The following FBXL16 variants were observed in gnomAD, a reference collection of about 807,000 sequenced individuals.
The protein encoded by FBXL16 is F-box/LRR-repeat protein 16.
FBXL16 carries 7 observed loss-of-function variants against 36.7 expected under a neutral mutation model. That is an observed-to-expected ratio of 0.19 (90% CI 0.11 to 0.36). The LOEUF (loss-of-function observed/expected upper bound fraction) is 0.36. FBXL16 is among the 10% of genes least tolerant of loss of function. The pLI is 1.00. For synonymous variants in FBXL16, 355 were observed against 308.7 expected (o/e 1.15, Z -1.57); for missense variants, 463 against 659.4 (o/e 0.70, Z 3.26).
Position 697,999 on chromosome 16 carries a change from CAAAA to C in FBXL16, c.-14-584_-14-581del, listed in dbSNP as rs75619896. Among the ~76,000 whole-genome samples the C allele has an allele frequency of 7.5e-6, 1 of 133,354 alleles. No homozygotes were observed. Among genetic ancestry groups the C allele is most frequent in the Admixed American group, 7.6e-5 (1 of 13,208 alleles). 87.5% of individuals were successfully genotyped at this position (133,354 alleles called of 152,430 possible). A position where few individuals can be genotyped will look rare whatever the true frequency, so the allele number is the denominator to read the frequency against. On this transcript the variant is annotated intron_variant, in intron 1 of 5. Transcript: ENST00000397621. The surrounding 1 kb of genome is among the most constrained non-coding windows in gnomAD (Gnocchi z 4.6). ...TGGGCAACTGAGCAAGACTCTGTCT[CAAAA>C]AAAAAAAAAAGAAACAGTTTCACTC...
At chr16:696,280 G>A (rs1256452598) in intron 2 of FBXL16, among the ~76,000 whole-genome samples, 1 of 151,570 alleles carries the variant, frequency 6.6e-6, no homozygotes, top group African/African-American at 2.4e-5. Flanking sequence ...TTGAGACAGA[G>A]CCTTACTCTG....
Position 694,415 on chromosome 16 carries a change from G to A in FBXL16, c.1300C>T (p.Leu434=). The change falls in exon 6 of 6, where the codon CTG becomes TTG. Residue 434 remains leucine, a synonymous_variant. Coordinates refer to ENST00000397621, the MANE Select transcript of FBXL16 (RefSeq NM_153350.4). The part of the protein sequence containing the change: ...LRLLSLAGCP[L]LTTTGLSGLV... Reference sequence around the variant, plus strand: ...CCCGACAGCCCGGTGGTGGTGAGCAGCGGGCAGCCTGCGGCGGGGTCAGAG... The same window carrying A: ...CCCGACAGCCCGGTGGTGGTGAGCAACGGGCAGCCTGCGGCGGGGTCAGAG... 4 of 1,550,536 alleles carry A rather than the reference G, an allele frequency of 2.6e-6. No homozygotes were observed. Among genetic ancestry groups the A allele is most frequent in the Non-Finnish European group, 3.5e-6 (4 of 1,156,934 alleles).
At chr16:695,976 C>T in intron 2 of FBXL16, 53 bp from the exon 3 acceptor site, 1 of 1,531,882 alleles carries the variant, frequency 6.5e-7, no homozygotes. Context: ...GTGGAGCCCG[C>T]AGGGAGGAAG....
In FBXL16 at chr16:695,790, G is replaced by A; in HGVS notation, c.767C>T (p.Ala256Val). 1.2e-6 allele frequency: 2 copies of A among 1,606,590 alleles called. No homozygotes were observed. Among genetic ancestry groups the A allele is most frequent in the Non-Finnish European group, 1.7e-6 (2 of 1,178,318 alleles). ...CGAGATGGCCGCGATGGCGTCGTCG[G>A]CCACGTTGATGCAGTCACTCACGCT... The part of the protein sequence containing the change: ...SLSVSDCINV[A>V]DDAIAAISQL... Residue 256 changes from alanine (A) to valine (V), a missense_variant, in exon 3 of 6, where the codon GCC becomes GTC. Ala to Val is a moderately conservative substitution (Grantham distance 64, BLOSUM62 0). Around this residue, in one of 3 missense-constraint regions of FBXL16, gnomAD observed 66 missense variants for 146.3 expected, o/e 0.45. Coordinates refer to ENST00000397621, the MANE Select transcript of FBXL16 (RefSeq NM_153350.4).
intron 2 of FBXL16, 125 bp from the exon 3 acceptor site, chr16:696,048 C>T (rs1274381899): frequency 5.1e-6 from 7 of 1,361,312 alleles, no homozygotes; most frequent in Admixed American, 5.8e-5. Flanking sequence ...TGTGAGGAGG[C>T]GGGGCATCGG....
In FBXL16 at chr16:695,814, C is replaced by G; in HGVS notation, c.743G>C (p.Ser248Thr). Reference sequence around the variant, plus strand: ...GGCCACGTTGATGCAGTCACTCACGCTCAGCGAGGTGATGCGCGCGCTCAG... The same window carrying G: ...GGCCACGTTGATGCAGTCACTCACGGTCAGCGAGGTGATGCGCGCGCTCAG... The part of the protein sequence containing the change: ...SSLSARITSL[S>T]VSDCINVADD... Residue 248 changes from serine (S) to threonine (T), a missense_variant, in exon 3 of 6, where the codon AGC becomes ACC. Around this residue, in one of 3 missense-constraint regions of FBXL16, gnomAD observed 66 missense variants for 146.3 expected, o/e 0.45. Transcript: ENST00000397621. 1.9e-6 allele frequency: 3 copies of G among 1,608,604 alleles called. No individual in the cohort carries two copies. The highest frequency in any genetic ancestry group is 1.7e-6 in the Non-Finnish European group (2 of 1,178,494).
intron 1 of FBXL16, among the ~76,000 whole-genome samples, chr16:701,881 G>A (rs1337651406): frequency 1.3e-5 from 2 of 152,190 alleles, no homozygotes; most frequent in African/African-American, 2.4e-5. Flanking sequence ...TCAAGGCTCC[G>A]GGGCTCACCC....
In FBXL16 at chr16:694,650, G is replaced by A. The variant is rs765630955; in HGVS notation, c.1275C>T (p.Arg425=). The A allele has an allele frequency of 1.2e-6, 2 of 1,610,248 alleles. No individual in the cohort carries two copies. Among genetic ancestry groups the A allele is most frequent in the South Asian group, 1.1e-5 (1 of 90,344 alleles). The change falls in exon 5 of 6, where the codon CGC becomes CGT. Residue 425 remains arginine (R), a synonymous_variant. Transcript: ENST00000397621. The stretch of plus-strand genomic sequence containing the variant: ...GGGTCTCACCTGCCAGAGACAGGAG[G>A]CGCAAACTCCCCAGGGCCAGGAGGT... ...LKHLLALGSL[R]LLSLAGCPLL...
At position 695,403 on chromosome 16, in the gene FBXL16, G is replaced by T. The variant is rs1442719491; in HGVS notation, c.1142+12C>A. 1 of 1,517,828 alleles carries T rather than the reference G, an allele frequency of 6.6e-7. No individual in the cohort carries two copies. Among genetic ancestry groups the T allele is most frequent in the East Asian group, 2.5e-5 (1 of 40,064 alleles). The allele number at this position is 1,517,828 out of a possible 1,614,324, so 94.0% of individuals were successfully genotyped here. ...GGCCCAGCCCCGCCCGGCGCGGCCC[G>T]GGGGCGCGCACCTGTCGAGCACGAG... On this transcript the variant is annotated intron_variant, in intron 3 of 5. Transcript: ENST00000397621.
chr16:692,613 G>A lies in FBXL16; in HGVS notation c.*1662C>T, dbSNP rs1024107715. 1 of 152,518 alleles carries A rather than the reference G, an allele frequency of 6.6e-6. No individual in the cohort carries two copies. The highest frequency in any genetic ancestry group is 1.5e-5 in the Non-Finnish European group (1 of 68,036). 9.4% of individuals were successfully genotyped at this position (152,518 alleles called of 1,614,324 possible). A position where few individuals can be genotyped will look rare whatever the true frequency, so the allele number is the denominator to read the frequency against. ...TCTTCCGCATATACAGGAGAATGAG[G>A]TCGTTATGTACAATAAGAAAATGAT... On this transcript the variant is annotated 3_prime_UTR_variant, in exon 6 of 6. Coordinates refer to ENST00000397621, the MANE Select transcript of FBXL16 (RefSeq NM_153350.4).
chr16:694,459 G>A, intron 5 of FBXL16, 36 bp from the exon 6 acceptor site: 10 of 1,531,006 alleles, frequency 6.5e-6, no homozygotes, highest in Non-Finnish European at 8.8e-6. Flanking sequence ...AGTGCGCGCG[G>A]CCCAGGGCTC....
chr16:700,050 G>C (rs1168347099), intron 1 of FBXL16, among the ~76,000 whole-genome samples: 1 of 152,118 alleles, frequency 6.6e-6, no homozygotes, highest in Non-Finnish European at 1.5e-5. Flanking sequence ...GGGAGGCAGG[G>C]AGGCAGGGAG....
rs2039982620 is a variant in FBXL16, at chr16:693,036, GGGA to G, written c.*1236_*1238del. 6.6e-6 allele frequency: 1 copy of G among 152,176 alleles called. No homozygotes were observed. The highest frequency in any genetic ancestry group is 2.4e-5 in the African/African-American group (1 of 41,428). 9.4% of individuals were successfully genotyped at this position (152,176 alleles called of 1,614,324 possible). A position where few individuals can be genotyped will look rare whatever the true frequency, so the allele number is the denominator to read the frequency against. Reference sequence around the variant, plus strand: ...ATCTCCTGGGGCTCAAGGTTGGGATGGGAAGGGGTCCCAGCCCCCTCCTCAGCA... The same window carrying G: ...ATCTCCTGGGGCTCAAGGTTGGGATGAGGGGTCCCAGCCCCCTCCTCAGCA... On this transcript the variant is annotated 3_prime_UTR_variant, in exon 6 of 6. Coordinates refer to ENST00000397621, the MANE Select transcript of FBXL16 (RefSeq NM_153350.4).
Position 696,993 on chromosome 16 carries a change from G to A in FBXL16, c.413C>T (p.Thr138Met), listed in dbSNP as rs141455262. The change falls in exon 2 of 6, where the codon ACG (threonine) becomes ATG (methionine). Residue 138 changes from threonine to methionine, a missense_variant. Coordinates refer to ENST00000397621, the MANE Select transcript of FBXL16 (RefSeq NM_153350.4). ...GAGCTCCTTGGCATGCAGCACCGGC[G>A]TGAGGCCTGCCCAGAACTTGGGCTG... ...LYQPKFWAGL[T>M]PVLHAKELYN... is the part of the protein sequence containing the mutation. 4.0e-5 allele frequency: 64 copies of A among 1,595,458 alleles called. No homozygotes were observed. Among genetic ancestry groups the A allele is most frequent in the African/African-American group, 1.6e-4 (12 of 74,534 alleles).
chr16:695,088 C>T lies in FBXL16; in HGVS notation c.1143-12G>A, dbSNP rs758143775. 6.2e-7 allele frequency: 1 copy of T among 1,601,874 alleles called. No homozygotes were observed. Among genetic ancestry groups the T allele is most frequent in the East Asian group, 2.3e-5 (1 of 43,590 alleles). ...TGATGCGTACACACCTGTGGTTGCA[C>T]CAGAGGGGACCCCCACCTTCAAATC... is the stretch of plus-strand genomic sequence containing the variant. On this transcript the variant is annotated splice_polypyrimidine_tract_variant and intron_variant, in intron 3 of 5. Coordinates refer to ENST00000397621, the MANE Select transcript of FBXL16 (RefSeq NM_153350.4).
rs2039992021 is a variant in FBXL16, at chr16:694,153, C to T, written c.*122G>A. On this transcript the variant is annotated 3_prime_UTR_variant, in exon 6 of 6. Coordinates refer to ENST00000397621, the MANE Select transcript of FBXL16 (RefSeq NM_153350.4). The stretch of plus-strand genomic sequence containing the variant: ...CTTTCCCTCGGCTCGCCCCGCCTCC[C>T]GCGCTGGGCCGGGGGCGCGGGGGCT... The T allele has an allele frequency of 4.6e-6, 3 of 647,340 alleles. No individual in the cohort carries two copies. The highest frequency in any genetic ancestry group is 9.4e-5 in the Admixed American group (2 of 21,220). 40.1% of individuals were successfully genotyped at this position (647,340 alleles called of 1,614,324 possible).
intron 2 of FBXL16, among the ~76,000 whole-genome samples, chr16:696,242 T>C (rs1208267321): frequency 6.8e-6 from 1 of 147,344 alleles, no homozygotes; most frequent in African/African-American, 2.5e-5. Context: ...TTTATTTATT[T>C]ATTTATTCAT....
chr16:695,928 A>AGGCG lies in FBXL16; in HGVS notation c.634-9_634-6dup. 3 of 1,571,566 alleles carry AGGCG rather than the reference A, an allele frequency of 1.9e-6. No individual in the cohort carries two copies. The highest frequency in any genetic ancestry group is 2.6e-6 in the Non-Finnish European group (3 of 1,153,744). On this transcript the variant is annotated splice_polypyrimidine_tract_variant and splice_region_variant and intron_variant, in intron 2 of 5. Coordinates refer to ENST00000397621, the MANE Select transcript of FBXL16 (RefSeq NM_153350.4). ...CTGCATCTGTTCAAGCATAACCTGC[A>AGGCG]GGCGGGCGGGCGCCGGGTCAGGATT...
intron 1 of FBXL16, among the ~76,000 whole-genome samples, chr16:702,699 C>T (rs911323289): frequency 6.6e-6 from 1 of 152,158 alleles, no homozygotes; most frequent in Non-Finnish European, 1.5e-5. Flanking sequence ...GGCCAGTGTC[C>T]GCGGGGAGAG....
Sources: allele counts gnomAD v4.1 joint callset (sites outside exome capture counted in the v4.1 genomes callset), GRCh38; gene constraint gnomAD v4.1.1; regional missense constraint gnomAD v4.1.1; non-coding constraint Gnocchi (gnomAD v3.1); transcripts MANE v1.5; gene names NCBI Gene and HGNC (gene_info 2026-07-23, HGNC 2026-07-21).